Variants in GAD2 observed in about 807,000 individuals in gnomAD.
GAD2 encodes glutamate decarboxylase 2.
A neutral mutation model predicts 80.1 loss-of-function variants in GAD2; 22 were observed. That is an observed-to-expected ratio of 0.27 (90% CI 0.20 to 0.39). GAD2 has a LOEUF of 0.39. Ranked by LOEUF, GAD2 falls within the 10% of genes least tolerant of loss-of-function variation. GAD2 has a pLI of 1.00. For synonymous variants in GAD2, 274 were observed against 256.9 expected (o/e 1.07, Z -0.64); for missense variants, 624 against 738.4 (o/e 0.85, Z 1.80).
In GAD2 at chr10:26,270,658, G is replaced by A. The variant is rs182756899; in HGVS notation, c.994G>A (p.Val332Met). 11 of 1,613,804 alleles carry A rather than the reference G, an allele frequency of 6.8e-6. No individual in the cohort carries two copies. Among genetic ancestry groups the A allele is most frequent in the South Asian group, 3.3e-5 (3 of 91,074 alleles). Residue 332 changes from valine (V) to methionine (M), a missense_variant, in exon 10 of 16, where the codon GTG becomes ATG. By Grantham distance (21) the Val-to-Met change is conservative. Transcript: ENST00000376261. ...CGCACAGGGGTTTGTTCCTTTCCTC[G>A]TGAGTGCCACAGCTGGAACCACCGT... ...AKQKGFVPFL[V>M]SATAGTTVYG... is the part of the protein sequence containing the mutation.
chr10:26,238,572 G>C (rs1844703432), intron 7 of GAD2, among the ~76,000 whole-genome samples: 1 of 152,092 alleles, frequency 6.6e-6, no homozygotes, highest in South Asian at 2.1e-4. Context: ...CTCACAATGG[G>C]GCCACCTTGA....
intron 7 of GAD2, among the ~76,000 whole-genome samples, chr10:26,245,583 G>A (rs976080573): frequency 1.3e-5 from 2 of 151,416 alleles, no homozygotes; most frequent in Admixed American, 6.6e-5. Flanking sequence ...AATTATAGGC[G>A]CCCGCCACCA....
Position 26,286,514 on chromosome 10 carries a change from C to A in GAD2, c.1386+20C>A. On this transcript the variant is annotated intron_variant, in intron 13 of 15. Transcript: ENST00000376261. ...GCAAAGGTGAGTATGTATGGACCAG[C>A]TAAATGTCAACTAAAAACAGAACCT... 1 of 1,581,422 alleles carries A rather than the reference C, an allele frequency of 6.3e-7. No individual in the cohort carries two copies. The highest frequency in any genetic ancestry group is 1.2e-5 in the South Asian group (1 of 84,998).
intron 7 of GAD2, among the ~76,000 whole-genome samples, chr10:26,230,005 C>T (rs373914467): frequency 2.0e-5 from 3 of 152,080 alleles, no homozygotes; most frequent in East Asian, 1.9e-4. Flanking sequence ...AGTGAAACCC[C>T]ATCTTCACAG....
At chr10:26,260,458 A>G (rs1389241533) in intron 8 of GAD2, among the ~76,000 whole-genome samples, 1 of 151,992 alleles carries the variant, frequency 6.6e-6, no homozygotes, top group East Asian at 1.9e-4. Flanking sequence ...GTGAAACCCC[A>G]TCTCTACTAA....
At chr10:26,293,833 T>C (rs997090651) in intron 15 of GAD2, among the ~76,000 whole-genome samples, 5 of 152,176 alleles carry the variant, frequency 3.3e-5, no homozygotes, top group Admixed American at 3.3e-4. Context: ...TATCAGGTGT[T>C]AGGTCACTTA....
At chr10:26,284,696 C>T (rs1381994265) in intron 12 of GAD2, among the ~76,000 whole-genome samples, 1 of 151,730 alleles carries the variant, frequency 6.6e-6, no homozygotes, top group Non-Finnish European at 1.5e-5. Flanking sequence ...CTCAGCCACC[C>T]CAGTAGCTGG....
At chr10:26,243,419 A>G (rs1273320240) in intron 7 of GAD2, among the ~76,000 whole-genome samples, 3 of 152,230 alleles carry the variant, frequency 2.0e-5, no homozygotes, top group Admixed American at 2.0e-4. Flanking sequence ...TTAAAATTCC[A>G]GTCAGCAGCC....
intron 7 of GAD2, among the ~76,000 whole-genome samples, chr10:26,242,919 G>T (rs2132285598): frequency 6.6e-6 from 1 of 152,258 alleles, no homozygotes; most frequent in South Asian, 2.1e-4. Context: ...TGTAATTTGA[G>T]TGGCTTGCAT....
intron 8 of GAD2, among the ~76,000 whole-genome samples, chr10:26,251,071 T>G (rs1318755705): frequency 2.7e-5 from 4 of 149,378 alleles, no homozygotes; most frequent in Non-Finnish European, 1.5e-5. Flanking sequence ...TTTTTTTTTT[T>G]TGTATTTTTT....
chr10:26,283,161 G>A (rs899893406), intron 12 of GAD2, among the ~76,000 whole-genome samples: 3 of 152,224 alleles, frequency 2.0e-5, no homozygotes, highest in Non-Finnish European at 2.9e-5. Context: ...GCAATTTGAT[G>A]TTACCCAGGA....
At chr10:26,241,236 C>T (rs866220642) in intron 7 of GAD2, among the ~76,000 whole-genome samples, 1 of 152,132 alleles carries the variant, frequency 6.6e-6, no homozygotes, top group African/African-American at 2.4e-5. Context: ...AGGGAGGGGA[C>T]GAGGGTATTC....
In GAD2 at chr10:26,303,208, T is replaced by C. The variant is rs1564315265; in HGVS notation, c.*2247T>C. ...AATTTTAAAGGACAATTTGTGCCTATATATGAAATTCCAGCAAAACAATTC... is the reference window on the plus strand; with the variant it reads ...AATTTTAAAGGACAATTTGTGCCTACATATGAAATTCCAGCAAAACAATTC... On this transcript the variant is annotated 3_prime_UTR_variant, in exon 16 of 16. Transcript: ENST00000376261. 3.9e-5 allele frequency: 6 copies of C among 152,200 alleles called. No individual in the cohort carries two copies. Among genetic ancestry groups the C allele is most frequent in the Admixed American group, 1.3e-4 (2 of 15,274 alleles). The allele number at this position is 152,200 out of a possible 1,614,324, so 9.4% of individuals were successfully genotyped here.
intron 8 of GAD2, among the ~76,000 whole-genome samples, chr10:26,252,928 G>C (rs1449117258): frequency 6.6e-6 from 1 of 152,084 alleles, no homozygotes; most frequent in Non-Finnish European, 1.5e-5. Context: ...AAAGTGCTGG[G>C]GTTACAGGTG....
intron 7 of GAD2, among the ~76,000 whole-genome samples, chr10:26,230,425 TTTTGTTTG>T (rs113492564): frequency 0.061 from 9,254 of 151,786 alleles, 358 homozygotes; most frequent in Non-Finnish European, 0.085. Context: ...CCTTGAGCCT[TTTTGTTTG>T]TTTGTTTGTT....
intron 13 of GAD2, among the ~76,000 whole-genome samples, chr10:26,288,888 C>A (rs968412670): frequency 6.6e-6 from 1 of 152,090 alleles, no homozygotes; most frequent in Non-Finnish European, 1.5e-5. Flanking sequence ...AGGTGTGAAT[C>A]GAACAGCAGG....
At chr10:26,251,446 A>C (rs1564662934) in intron 8 of GAD2, among the ~76,000 whole-genome samples, 1 of 152,212 alleles carries the variant, frequency 6.6e-6, no homozygotes, top group African/African-American at 2.4e-5. Flanking sequence ...CAAAAAAGTA[A>C]TGGCGCCTGC....
At chr10:26,255,332 T>A (rs925442091) in intron 8 of GAD2, among the ~76,000 whole-genome samples, 1 of 151,810 alleles carries the variant, frequency 6.6e-6, no homozygotes, top group Non-Finnish European at 1.5e-5. Flanking sequence ...GGCTGATGAG[T>A]TTGGCAAGGG....
Position 26,216,854 on chromosome 10 carries a change from T to C in GAD2, c.45T>C (p.Asp15=). Residue 15 remains aspartate, a synonymous_variant, in exon 1 of 16, where the codon GAT becomes GAC. Transcript: ENST00000376261. This position sits in a 1 kb window ranked among gnomAD's most constrained non-coding sequence, Gnocchi z 4.7. The stretch of plus-strand genomic sequence containing the variant: ...GCTTTTGGTCTTTCGGGTCGGAAGA[T>C]GGCTCTGGGGATTCCGAGAATCCCG... ...GSGFWSFGSE[D]GSGDSENPGT... 1 of 1,612,460 alleles carries C rather than the reference T, an allele frequency of 6.2e-7. No individual in the cohort carries two copies. The highest frequency in any genetic ancestry group is 1.3e-5 in the African/African-American group (1 of 74,788).
Sources: gnomAD v4.1 joint callset for allele counts (sites outside exome capture counted in the v4.1 genomes callset) on GRCh38, gnomAD v4.1.1 for gene constraint, Gnocchi (gnomAD v3.1) non-coding constraint, MANE v1.5 for transcripts, NCBI Gene and HGNC (gene_info 2026-07-23, HGNC 2026-07-21) for gene names.